Variants in IMMP2L observed in about 807,000 individuals in gnomAD.
The protein encoded by IMMP2L is mitochondrial inner membrane protease subunit 2.
IMMP2L carries 18 observed loss-of-function variants against 19.3 expected under a neutral mutation model. The ratio of observed to expected loss-of-function variants is 0.93; its 90% CI spans 0.64 to 1.38. IMMP2L has a LOEUF of 1.38. Ranked by LOEUF, IMMP2L falls within the 40% of genes most tolerant of loss-of-function variation. IMMP2L has a pLI of 0.00. For missense variants in IMMP2L, 233 were observed against 218.2 expected (o/e 1.07, Z -0.43); for synonymous variants, 76 against 73.0 (o/e 1.04, Z -0.21).
At chr7:110,774,005 T>G (rs1270470682) in intron 5 of IMMP2L, among the ~76,000 whole-genome samples, 1 of 152,034 alleles carries the variant, frequency 6.6e-6, no homozygotes, top group Non-Finnish European at 1.5e-5. Flanking sequence ...TCAAATTACT[T>G]TCTTTTTGTC....
At chr7:110,817,213 C>T (rs1802602500) in intron 5 of IMMP2L, among the ~76,000 whole-genome samples, 1 of 152,052 alleles carries the variant, frequency 6.6e-6, no homozygotes, top group African/African-American at 2.4e-5. Flanking sequence ...CCAGAAAACC[C>T]CATTGTCTCA....
chr7:111,105,363 T>A (rs995308424), intron 3 of IMMP2L, among the ~76,000 whole-genome samples: 7 of 151,926 alleles, frequency 4.6e-5, no homozygotes, highest in African/African-American at 1.7e-4. Flanking sequence ...ATCCAAAGAA[T>A]GGAATACTAA....
intron 5 of IMMP2L, among the ~76,000 whole-genome samples, chr7:110,684,882 C>T (rs1793002106): frequency 6.6e-6 from 1 of 152,066 alleles, no homozygotes; most frequent in Admixed American, 6.6e-5. Flanking sequence ...TTCACAAACA[C>T]TTCTGGCCAC....
intron 3 of IMMP2L, among the ~76,000 whole-genome samples, chr7:111,016,455 AATAT>A (rs939926968): frequency 7.4e-6 from 1 of 134,300 alleles, no homozygotes; most frequent in Non-Finnish European, 1.5e-5. Flanking sequence ...ATATATAATA[AATAT>A]ATATATTTAT....
Position 111,196,011 on chromosome 7 carries a change from G to C in IMMP2L, c.240-232446C>G, listed in dbSNP as rs142099183. Among the ~76,000 whole-genome samples the C allele has an allele frequency of 7.5e-3, 1,140 of 151,884 alleles. 16 individuals carry two copies. The highest frequency in any genetic ancestry group is 0.026 in the South Asian group (124 of 4,804). ...CCTCCAAGCAGCTAGTACCACAGGT[G>C]GGGTATGCCACCACATCCACCGTTT... On this transcript the variant is annotated intron_variant, in intron 3 of 5. Coordinates refer to ENST00000405709, the MANE Select transcript of IMMP2L (RefSeq NM_032549.4).
chr7:111,281,124 G>C (rs71544720), intron 3 of IMMP2L, among the ~76,000 whole-genome samples: 22 of 71,836 alleles, frequency 3.1e-4, no homozygotes, highest in African/African-American at 1.1e-3. Context: ...GAGAGAAAGA[G>C]AGAAAGAGAG....
intron 3 of IMMP2L, among the ~76,000 whole-genome samples, chr7:111,063,418 C>G (rs2129574674): frequency 6.6e-6 from 1 of 152,298 alleles, no homozygotes; most frequent in Admixed American, 6.5e-5. Context: ...ATGGGACAGG[C>G]TGCTGTGAAG....
chr7:111,176,935 T>G (rs1377120964), intron 3 of IMMP2L, among the ~76,000 whole-genome samples: 1 of 152,052 alleles, frequency 6.6e-6, no homozygotes, highest in African/African-American at 2.4e-5. Flanking sequence ...GGAAAATCTG[T>G]GTCCCTTAAT....
At chr7:110,989,434 C>A (rs1419926136) in intron 3 of IMMP2L, among the ~76,000 whole-genome samples, 1 of 147,494 alleles carries the variant, frequency 6.8e-6, no homozygotes. Flanking sequence ...GTGGTCCCAG[C>A]AACTCGGGAG....
chr7:111,210,516 T>C (rs892815335), intron 3 of IMMP2L, among the ~76,000 whole-genome samples: 2 of 152,208 alleles, frequency 1.3e-5, no homozygotes, highest in African/African-American at 4.8e-5. Context: ...TATAACCCAA[T>C]TAATGTATCT....
rs113661353 is a variant in IMMP2L, at chr7:111,432,955, C to CA, written c.239+54282dup. Among the ~76,000 whole-genome samples, 26 of 127,104 alleles carry CA rather than the reference C, an allele frequency of 2.0e-4. 1 individual carries two copies. Among genetic ancestry groups the CA allele is most frequent in the African/African-American group, 4.7e-4 (16 of 33,692 alleles). 83.4% of individuals were successfully genotyped at this position (127,104 alleles called of 152,430 possible). The stretch of plus-strand genomic sequence containing the variant: ...GAGGCAATCCCACTTCCAACAGCTA[C>CA]AAAAAAAAAGAAAAAAAAAAACACA... On this transcript the variant is annotated intron_variant, in intron 3 of 5. Transcript: ENST00000405709.
At chr7:111,237,185 T>A (rs1173115195) in intron 3 of IMMP2L, among the ~76,000 whole-genome samples, 1 of 152,122 alleles carries the variant, frequency 6.6e-6, no homozygotes, top group East Asian at 1.9e-4. Context: ...AGGCTCAAAA[T>A]AAATACTAAA....
intron 5 of IMMP2L, among the ~76,000 whole-genome samples, chr7:110,885,362 C>T (rs1475090664): frequency 2.0e-5 from 3 of 151,660 alleles, no homozygotes; most frequent in Admixed American, 6.6e-5. Flanking sequence ...CTTATATATA[C>T]GTTAAAAAGT....
intron 3 of IMMP2L, among the ~76,000 whole-genome samples, chr7:111,402,991 A>ACACCC (rs1833572393): frequency 2.2e-5 from 1 of 45,506 alleles, no homozygotes; most frequent in Non-Finnish European, 4.0e-5. Flanking sequence ...TGCAGCCTTG[A>ACACCC]CCCCCCCCCC....
chr7:111,184,552 T>TA (rs551745950), intron 3 of IMMP2L, among the ~76,000 whole-genome samples: 51 of 152,230 alleles, frequency 3.4e-4, no homozygotes, highest in Admixed American at 1.2e-3. Flanking sequence ...CACTACTACT[T>TA]AGAGATCATT....
At chr7:110,730,568 G>C (rs1317366952) in intron 5 of IMMP2L, among the ~76,000 whole-genome samples, 1 of 147,744 alleles carries the variant, frequency 6.8e-6, no homozygotes, top group Non-Finnish European at 1.5e-5. Flanking sequence ...TCGCTCTGTT[G>C]CCCAGGCTGG....
rs183109495 is a variant in IMMP2L, at chr7:111,467,213, T to C, written c.239+20025A>G. 4.4e-3 allele frequency among the ~76,000 whole-genome samples: 666 copies of C among 152,280 alleles called. 3 individuals are homozygous for C. Among genetic ancestry groups the C allele is most frequent in the Middle Eastern group, 0.02 (6 of 294 alleles). ...TTGGGCAAGTCACCCAATCTCTATG[T>C]GCCTCAGTTTCCTCACTGTAAAATT... On this transcript the variant is annotated intron_variant, in intron 3 of 5. Transcript: ENST00000405709.
At chr7:110,994,135 T>C (rs894134143) in intron 3 of IMMP2L, among the ~76,000 whole-genome samples, 2 of 148,234 alleles carry the variant, frequency 1.3e-5, no homozygotes, top group Non-Finnish European at 1.5e-5. Flanking sequence ...CTCTCTCTCT[T>C]TTTTTTTTCT....
intron 3 of IMMP2L, among the ~76,000 whole-genome samples, chr7:111,103,399 A>G (rs1348130538): frequency 2.0e-5 from 3 of 151,666 alleles, no homozygotes; most frequent in Non-Finnish European, 4.4e-5. Context: ...AAGTCTAGCC[A>G]CACTGATTTG....
Sources: gnomAD v4.1 joint callset for allele counts (sites outside exome capture counted in the v4.1 genomes callset) on GRCh38, gnomAD v4.1.1 for gene constraint, MANE v1.5 for transcripts, NCBI Gene and HGNC (gene_info 2026-07-23, HGNC 2026-07-21) for gene names.